The following LRBA variants were observed in gnomAD, a reference collection of about 807,000 sequenced individuals.
The protein encoded by LRBA is LPS responsive beige-like anchor protein, also known as lipopolysaccharide-responsive and beige-like anchor protein.
A neutral mutation model predicts 330.0 loss-of-function variants in LRBA; 176 were observed. The ratio of observed to expected loss-of-function variants is 0.53; its 90% CI spans 0.47 to 0.60. The LOEUF (loss-of-function observed/expected upper bound fraction) is 0.60, where lower values mean the gene tolerates loss of function less well. Ranked by LOEUF, LRBA falls within the 20% of genes least tolerant of loss-of-function variation. The pLI is 0.00. For missense variants in LRBA, 3,259 were observed against 3,444.8 expected, an observed-to-expected ratio of 0.95 and a Z score of 1.35; for synonymous variants, 1,230 against 1,193.0, an observed-to-expected ratio of 1.03 and a Z score of -0.64.
At chr4:150,305,906 T>C (rs1051142963) in intron 52 of LRBA, among the ~76,000 whole-genome samples, 33 of 152,206 alleles carry the variant, frequency 2.2e-4, no homozygotes, top group African/African-American at 5.3e-4. Context: ...CTGCTCTTTT[T>C]GGTAAATTAT....
chr4:150,410,170 ACAGT>A (rs1395075517), intron 47 of LRBA, among the ~76,000 whole-genome samples: 2 of 152,120 alleles, frequency 1.3e-5, no homozygotes, highest in African/African-American at 4.8e-5. Flanking sequence ...GGGGGGCATG[ACAGT>A]CTGTCTCTAT....
chr4:150,373,124 C>CGTGTGTGTGTGTGT (rs70937397), intron 47 of LRBA, among the ~76,000 whole-genome samples: 2 of 96,366 alleles, frequency 2.1e-5, no homozygotes, highest in Non-Finnish European at 4.1e-5. Flanking sequence ...ACTACAATCT[C>CGTGTGTGTGTGTGT]GTGTGTGTGT....
At chr4:150,658,448 C>T (rs1289982788) in intron 37 of LRBA, among the ~76,000 whole-genome samples, 2 of 148,590 alleles carry the variant, frequency 1.3e-5, no homozygotes, top group African/African-American at 5.0e-5. Context: ...ATACTTAGCA[C>T]ATGACAGGTA....
intron 37 of LRBA, among the ~76,000 whole-genome samples, chr4:150,622,705 T>G (rs1320155269): frequency 6.8e-6 from 1 of 146,358 alleles, no homozygotes; most frequent in African/African-American, 2.6e-5. Context: ...TTTTTTTTTT[T>G]TTTTTTTTTT....
chr4:150,706,092 A>G (rs1785590636), intron 36 of LRBA, among the ~76,000 whole-genome samples: 1 of 152,032 alleles, frequency 6.6e-6, no homozygotes, highest in Non-Finnish European at 1.5e-5. Flanking sequence ...GACGAGCTGA[A>G]TCTAATGTTA....
intron 36 of LRBA, among the ~76,000 whole-genome samples, chr4:150,703,341 A>C (rs1231207043): frequency 1.3e-5 from 2 of 152,210 alleles, no homozygotes; most frequent in Non-Finnish European, 2.9e-5. Flanking sequence ...AGAATCTAGG[A>C]TCTCAAATGA....
Position 150,436,717 on chromosome 4 carries a change from A to T in LRBA, c.6921+7T>A. 1 of 1,608,314 alleles carries T rather than the reference A, an allele frequency of 6.2e-7. No homozygotes were observed. The highest frequency in any genetic ancestry group is 1.1e-5 in the South Asian group (1 of 90,562). ...TAGCCATGGTGTATTATTCAAATTG[A>T]ACTTACTATTCTTAGCAGCCATGCA... On this transcript the variant is annotated splice_region_variant and intron_variant, in intron 45 of 56. Coordinates refer to ENST00000651943, the MANE Select transcript of LRBA (RefSeq NM_001364905.1).
intron 37 of LRBA, among the ~76,000 whole-genome samples, chr4:150,624,902 A>G (rs1279878530): frequency 6.6e-6 from 1 of 152,226 alleles, no homozygotes; most frequent in Non-Finnish European, 1.5e-5. Flanking sequence ...AACAAAGAAT[A>G]CAATAATAAT....
chr4:150,855,105 A>G (rs906338065), intron 22 of LRBA, among the ~76,000 whole-genome samples: 1 of 152,176 alleles, frequency 6.6e-6, no homozygotes, highest in African/African-American at 2.4e-5. Context: ...TAAAAACACA[A>G]ACATTAGCTG....
chr4:150,537,967 G>A (rs866972962), intron 40 of LRBA, among the ~76,000 whole-genome samples: 9 of 151,650 alleles, frequency 5.9e-5, no homozygotes, highest in East Asian at 1.9e-4. Flanking sequence ...AAAAAAAAGC[G>A]AACAAAAGAC....
chr4:150,268,606 C>A (rs1234243549), intron 56 of LRBA, among the ~76,000 whole-genome samples: 2 of 152,154 alleles, frequency 1.3e-5, no homozygotes, highest in African/African-American at 4.8e-5. Flanking sequence ...ATGCAAAAGT[C>A]AACCAACATA....
intron 22 of LRBA, among the ~76,000 whole-genome samples, chr4:150,866,148 T>C (rs894221740): frequency 6.6e-6 from 1 of 152,192 alleles, no homozygotes; most frequent in African/African-American, 2.4e-5. Flanking sequence ...CAATTTTTTA[T>C]TAAATAAATA....
chr4:150,908,782 G>A lies in LRBA; in HGVS notation c.1237C>T (p.Leu413Phe). ...TACGTGAATGCAATGGCACTAGAGA[G>A]TTTCCCATCGTACAATAAAAGTTTG... ...HHKLLLYDGK[L>F]SSAIAFTYNP... The change falls in exon 10 of 57, where the codon CTC becomes TTC. Residue 413 changes from leucine to phenylalanine, a missense_variant. Transcript: ENST00000651943. The A allele has an allele frequency of 6.2e-7, 1 of 1,613,832 alleles. No individual in the cohort carries two copies. The highest frequency in any genetic ancestry group is 8.5e-7 in the Non-Finnish European group (1 of 1,179,808).
chr4:150,906,296 C>T lies in LRBA; in HGVS notation c.1602+1G>A. On this transcript the variant is annotated splice_donor_variant, in intron 12 of 56. Transcript: ENST00000651943. LOFTEE classifies it high-confidence loss of function. ...AAAACATAAAATATTTCATACTTTA[C>T]CTTTTCAAGGCTATATCCTATTACC... The T allele has an allele frequency of 6.5e-7, 1 of 1,549,968 alleles. No individual in the cohort carries two copies. Among genetic ancestry groups the T allele is most frequent in the Non-Finnish European group, 8.9e-7 (1 of 1,126,028 alleles).
intron 17 of LRBA, among the ~76,000 whole-genome samples, chr4:150,875,052 G>A (rs888637743): frequency 1.3e-5 from 2 of 152,132 alleles, no homozygotes; most frequent in African/African-American, 2.4e-5. Flanking sequence ...GTGCAAGGGG[G>A]AACCTCTCTG....
At chr4:150,932,987 GCAAT>G (rs1043022335) in intron 2 of LRBA, among the ~76,000 whole-genome samples, 13 of 151,920 alleles carry the variant, frequency 8.6e-5, no homozygotes, top group African/African-American at 3.1e-4. Flanking sequence ...TTTTGAAACA[GCAAT>G]CAAACTACTA....
At chr4:150,621,888 T>A (rs1361981954) in intron 37 of LRBA, among the ~76,000 whole-genome samples, 2 of 152,170 alleles carry the variant, frequency 1.3e-5, no homozygotes, top group Non-Finnish European at 2.9e-5. Flanking sequence ...ATGCACCCTT[T>A]TGATCAATGT....
chr4:150,656,360 G>T (rs1780188121), intron 37 of LRBA, among the ~76,000 whole-genome samples: 1 of 152,196 alleles, frequency 6.6e-6, no homozygotes, highest in Non-Finnish European at 1.5e-5. Context: ...GTACTCAGGA[G>T]TTGCTTTTAT....
At chr4:150,826,677 G>A (rs1013136395) in intron 30 of LRBA, among the ~76,000 whole-genome samples, 2 of 152,042 alleles carry the variant, frequency 1.3e-5, no homozygotes, top group African/African-American at 4.8e-5. Context: ...AGAGCTTCAT[G>A]AGTTCAACAC....
Sources: allele counts gnomAD v4.1 joint callset (sites outside exome capture counted in the v4.1 genomes callset), GRCh38; gene constraint gnomAD v4.1.1; transcripts MANE v1.5; gene names NCBI Gene and HGNC (gene_info 2026-07-23, HGNC 2026-07-21).